The following NXPH1 variants were observed in gnomAD, a reference collection of about 807,000 sequenced individuals.
The protein encoded by NXPH1 is neurexophilin-1.
A neutral mutation model predicts 23.7 loss-of-function variants in NXPH1; 5 were observed. That is an observed-to-expected ratio of 0.21 (90% CI 0.11 to 0.44). The LOEUF is 0.44. NXPH1 is among the 20% of genes least tolerant of loss of function. NXPH1 has a pLI of 0.99. For missense variants in NXPH1, 324 were observed against 321.6 expected (o/e 1.01, Z -0.06); for synonymous variants, 144 against 122.2 (o/e 1.18, Z -1.18).
At chr7:8,655,522 A>G (rs937309499) in intron 2 of NXPH1, among the ~76,000 whole-genome samples, 2 of 150,718 alleles carry the variant, frequency 1.3e-5, no homozygotes, top group African/African-American at 4.9e-5. Context: ...ACACGCACAC[A>G]TGCTTTCATG....
At chr7:8,485,947 T>C (rs1448896866) in intron 2 of NXPH1, among the ~76,000 whole-genome samples, 3 of 152,174 alleles carry the variant, frequency 2.0e-5, no homozygotes, top group African/African-American at 7.2e-5. Context: ...CATCTGGCAT[T>C]GACTTTAGTT....
chr7:8,530,397 A>G (rs1288227476), intron 2 of NXPH1, among the ~76,000 whole-genome samples: 2 of 152,226 alleles, frequency 1.3e-5, no homozygotes, highest in African/African-American at 4.8e-5. Context: ...TTAGCCACAT[A>G]TCATACATCC....
chr7:8,599,372 CCTT>C (rs1456867974), intron 2 of NXPH1, among the ~76,000 whole-genome samples: 11 of 152,202 alleles, frequency 7.2e-5, no homozygotes, highest in Admixed American at 3.3e-4. Context: ...CTTTCAGAAT[CCTT>C]CTATTTCCTA....
At chr7:8,627,492 T>C (rs1469383623) in intron 2 of NXPH1, among the ~76,000 whole-genome samples, 1 of 152,150 alleles carries the variant, frequency 6.6e-6, no homozygotes, top group African/African-American at 2.4e-5. Flanking sequence ...GCACCATCAC[T>C]CTTGGCTCTT....
chr7:8,571,071 CTAAT>C (rs1315163026), intron 2 of NXPH1, among the ~76,000 whole-genome samples: 8 of 98,170 alleles, frequency 8.1e-5, no homozygotes, highest in African/African-American at 3.2e-4. Flanking sequence ...CTAATCTAAT[CTAAT>C]CTAACTCTGG....
Position 8,457,701 on chromosome 7 carries a change from T to C in NXPH1, c.54+21934T>C, listed in dbSNP as rs191437861. On this transcript the variant is annotated intron_variant, in intron 2 of 2. Coordinates refer to ENST00000405863, the MANE Select transcript of NXPH1 (RefSeq NM_152745.3). ...CATTCTCCTTGACTGGAGTGCTCAGTTCCTGGCTCACCTGAAATATTTGCA... is the reference window on the plus strand; with the variant it reads ...CATTCTCCTTGACTGGAGTGCTCAGCTCCTGGCTCACCTGAAATATTTGCA... Among the ~76,000 whole-genome samples, 10 of 152,248 alleles carry C rather than the reference T, an allele frequency of 6.6e-5. No individual in the cohort carries two copies. The East Asian group carries it at 1.7e-3, about 26-fold the overall frequency.
intron 2 of NXPH1, among the ~76,000 whole-genome samples, chr7:8,675,659 C>T (rs185819627): frequency 6.6e-6 from 1 of 152,090 alleles, no homozygotes; most frequent in African/African-American, 2.4e-5. Flanking sequence ...GGGAGCACCT[C>T]GGACAGATAG....
chr7:8,653,135 T>C (rs1820517538), intron 2 of NXPH1, among the ~76,000 whole-genome samples: 1 of 152,134 alleles, frequency 6.6e-6, no homozygotes, highest in African/African-American at 2.4e-5. Context: ...TTCAAGGCTT[T>C]GATGGTACAG....
At chr7:8,662,396 C>A (rs1215617173) in intron 2 of NXPH1, among the ~76,000 whole-genome samples, 1 of 93,910 alleles carries the variant, frequency 1.1e-5, no homozygotes, top group Non-Finnish European at 2.7e-5. Flanking sequence ...GAACAGGTAC[C>A]CTTAAACTAT....
At chr7:8,601,453 C>T (rs1370769435) in intron 2 of NXPH1, among the ~76,000 whole-genome samples, 1 of 152,058 alleles carries the variant, frequency 6.6e-6, no homozygotes, top group Non-Finnish European at 1.5e-5. Context: ...CTGAGGTTAC[C>T]CAAGTTCTCA....
chr7:8,471,212 C>A (rs1816866643), intron 2 of NXPH1, among the ~76,000 whole-genome samples: 1 of 152,072 alleles, frequency 6.6e-6, no homozygotes, highest in Admixed American at 6.6e-5. Flanking sequence ...GATGTGGTCA[C>A]CTTTAAATGT....
In NXPH1 at chr7:8,635,047, A is replaced by G. The variant is rs78147817; in HGVS notation, c.55-115961A>G. 7.2e-3 allele frequency among the ~76,000 whole-genome samples: 1,102 copies of G among 152,286 alleles called. 11 individuals are homozygous for G. The highest frequency in any genetic ancestry group is 0.025 in the African/African-American group (1,045 of 41,540). ...ATACTGGGAGTTTTGAACAATAGCT[A>G]TCTCTAATCACATTTGTCAAAAGCA... On this transcript the variant is annotated intron_variant, in intron 2 of 2. Coordinates refer to ENST00000405863, the MANE Select transcript of NXPH1 (RefSeq NM_152745.3).
At chr7:8,726,835 C>A (rs2115211810) in intron 2 of NXPH1, among the ~76,000 whole-genome samples, 2 of 151,896 alleles carry the variant, frequency 1.3e-5, no homozygotes, top group East Asian at 1.9e-4. Flanking sequence ...ATTTATAGTC[C>A]TTTGGGTATA....
Position 8,434,005 on chromosome 7 carries a change from G to C in NXPH1, c.-861G>C, listed in dbSNP as rs3823854. 9,961 of 152,316 alleles carry C rather than the reference G, an allele frequency of 0.065. 387 individuals are homozygous for C. The highest frequency in any genetic ancestry group is 0.14 in the South Asian group (664 of 4,824). 9.4% of individuals were successfully genotyped at this position (152,316 alleles called of 1,614,324 possible). On this transcript the variant is annotated 5_prime_UTR_variant, in exon 1 of 3. Transcript: ENST00000405863. The surrounding 1 kb of genome is among the most constrained non-coding windows in gnomAD (Gnocchi z 7.6). ...AGGCGTGCCAAGCCGCGGCTCTGCG[G>C]AGAAACCACGACCACCGCGGCCGCC...
chr7:8,589,949 A>T (rs1399091951), intron 2 of NXPH1, among the ~76,000 whole-genome samples: 3 of 152,112 alleles, frequency 2.0e-5, no homozygotes, highest in Admixed American at 1.3e-4. Flanking sequence ...GCCACATTTC[A>T]AGTGCCCAAT....
At chr7:8,701,173 C>G (rs756627869) in intron 2 of NXPH1, among the ~76,000 whole-genome samples, 3 of 151,944 alleles carry the variant, frequency 2.0e-5, no homozygotes, top group Admixed American at 1.3e-4. Context: ...CTTGCCTGGA[C>G]GATTGCAATA....
intron 2 of NXPH1, among the ~76,000 whole-genome samples, chr7:8,468,937 A>T (rs1816827466): frequency 6.6e-6 from 1 of 152,052 alleles, no homozygotes; most frequent in Non-Finnish European, 1.5e-5. Context: ...TAAGAGTGTT[A>T]AATTTTTATC....
chr7:8,569,299 CAA>C (rs1818604402), intron 2 of NXPH1, among the ~76,000 whole-genome samples: 1 of 151,698 alleles, frequency 6.6e-6, no homozygotes, highest in South Asian at 2.1e-4. Flanking sequence ...TTAAAAGAAA[CAA>C]TATACATAAC....
At chr7:8,632,639 T>G (rs897086278) in intron 2 of NXPH1, among the ~76,000 whole-genome samples, 6 of 152,198 alleles carry the variant, frequency 3.9e-5, no homozygotes, top group Non-Finnish European at 7.3e-5. Flanking sequence ...TTAGAAAGCA[T>G]TCTCCTCAAA....
Sources: allele counts gnomAD v4.1 joint callset (sites outside exome capture counted in the v4.1 genomes callset), GRCh38; gene constraint gnomAD v4.1.1; non-coding constraint Gnocchi (gnomAD v3.1); transcripts MANE v1.5; gene names NCBI Gene and HGNC (gene_info 2026-07-23, HGNC 2026-07-21).